Variants in INTS6L observed in about 807,000 individuals in gnomAD.
INTS6L encodes integrator complex subunit 6 like, also known as integrator complex subunit 6-like.
In INTS6L, 18 loss-of-function variants were observed where a neutral mutation model predicts 64.7. That is an observed-to-expected ratio of 0.28 (90% CI 0.19 to 0.41). The LOEUF (loss-of-function observed/expected upper bound fraction) is 0.41. Ranked by LOEUF, INTS6L falls within the 10% of genes least tolerant of loss-of-function variation. The pLI is 1.00. For missense variants in INTS6L, 533 were observed against 661.0 expected, an observed-to-expected ratio of 0.81 and a Z score of 2.12; for synonymous variants, 227 against 235.9, an observed-to-expected ratio of 0.96 and a Z score of 0.34.
At chrX:135,531,441 T>C (rs572041100) in intron 2 of INTS6L, among the ~76,000 whole-genome samples, 1 of 112,560 alleles carries the variant, frequency 8.9e-6, no homozygotes, top group African/African-American at 3.2e-5. Context: ...TGCTGTCAGC[T>C]CACAGTCAGA....
rs781795745 is a variant in INTS6L at position 135,549,729 on chromosome X, A to T, written c.830A>T (p.Asn277Ile). The T allele has an allele frequency of 2.6e-5, 31 of 1,210,710 alleles. No individual in the cohort carries two copies. The highest frequency in any genetic ancestry group is 4.6e-4 in the Middle Eastern group (2 of 4,374). ...CATAAACTCATTTATGTACGACCTA[A>T]CTCTAAAACTGGTGTTCCTGTTGGA... The part of the protein sequence containing the change: ...SCHKLIYVRP[N>I]SKTGVPVGHW... The change falls in exon 7 of 18, where the codon AAC becomes ATC. Residue 277 changes from asparagine to isoleucine, a missense_variant. Asn to Ile is a moderately radical substitution (Grantham distance 149). Coordinates refer to ENST00000639893, the MANE Select transcript of INTS6L (RefSeq NM_001351601.3).
chrX:135,546,246 C>T, intron 3 of INTS6L, 134 bp from the exon 4 acceptor site: 1 of 375,926 alleles, frequency 2.7e-6, no homozygotes. Flanking sequence ...CATTTCGTTC[C>T]CTGGTCATTT....
At chrX:135,546,103 T>C (rs1556514993) in intron 3 of INTS6L, among the ~76,000 whole-genome samples, 1 of 112,118 alleles carries the variant, frequency 8.9e-6, no homozygotes. Context: ...TGTAATATTA[T>C]TTTGTGATTA....
intron 9 of INTS6L, among the ~76,000 whole-genome samples, chrX:135,558,787 CTTTTTTTTT>C (rs1164910175): frequency 1.1e-5 from 1 of 94,671 alleles, no homozygotes; most frequent in Non-Finnish European, 2.1e-5. Context: ...TTTCTTTTTT[CTTTTTTTTT>C]TTTTTTTGAG....
intron 9 of INTS6L, among the ~76,000 whole-genome samples, chrX:135,563,633 G>GTGTGTGTGTGTA (rs1556523326): frequency 7.7e-4 from 8 of 10,401 alleles, no homozygotes; most frequent in African/African-American, 1.3e-3. Context: ...GTGTGTGTGT[G>GTGTGTGTGTGTA]TATATATATA....
At chrX:135,569,524 AAG>A (rs1556526566) in intron 10 of INTS6L, 93 bp downstream of exon 10, 3 of 485,356 alleles carry the variant, frequency 6.2e-6, no homozygotes, top group African/African-American at 2.5e-5. Flanking sequence ...CTGTTGCAAT[AAG>A]AGAGATATCT....
intron 2 of INTS6L, among the ~76,000 whole-genome samples, chrX:135,528,877 C>CCCA (rs1464500455): frequency 1.1e-5 from 1 of 87,338 alleles, no homozygotes; most frequent in African/African-American, 4.2e-5. Context: ...CCCCCCCCCC[C>CCCA]GACCCACCGC....
At chrX:135,524,783 C>A (rs782527051) in intron 2 of INTS6L, among the ~76,000 whole-genome samples, 2 of 112,022 alleles carry the variant, frequency 1.8e-5, no homozygotes, top group African/African-American at 6.5e-5. Flanking sequence ...GACTTCGGAA[C>A]GTTTTACTGC....
Position 135,572,875 on chromosome X carries a change from G to A in INTS6L, c.1459G>A (p.Gly487Arg). Residue 487 changes from glycine to arginine, a missense_variant, in exon 12 of 18, where the codon GGA becomes AGA. Physicochemically the swap from Gly to Arg is moderately radical, Grantham distance 125. Transcript: ENST00000639893. The part of the protein sequence containing the change: ...SVGKKPPQEI[G>R]IKVKNHSGGG... ...GGGGAAGAAACCTCCCCAGGAAATT[G>A]GAATTAAAGTGAAAAATCATTCTGG... 4 of 1,211,353 alleles carry A rather than the reference G, an allele frequency of 3.3e-6. No homozygotes were observed. Among genetic ancestry groups the A allele is most frequent in the Non-Finnish European group, 4.5e-6 (4 of 895,332 alleles).
intron 14 of INTS6L, among the ~76,000 whole-genome samples, chrX:135,575,950 G>A (rs1556530651): frequency 8.9e-6 from 1 of 111,829 alleles, no homozygotes; most frequent in African/African-American, 3.3e-5. Context: ...AAGACTGATT[G>A]AAAGGTATTC....
In INTS6L at chrX:135,556,357, G is replaced by A. The variant is rs1386425063; in HGVS notation, c.1192+57G>A. 7.1e-6 allele frequency: 7 copies of A among 984,757 alleles called. No homozygotes were observed. The African/African-American group carries it at 7.9e-5, about 11-fold the overall frequency. The allele number at this position is 984,757 out of a possible 1,213,427, so 81.2% of individuals were successfully genotyped here. A position where few individuals can be genotyped will look rare whatever the true frequency, so the allele number is the denominator to read the frequency against. On this transcript the variant is annotated intron_variant, in intron 9 of 17. Coordinates refer to ENST00000639893, the MANE Select transcript of INTS6L (RefSeq NM_001351601.3). ...TAAAATACAACAGAAATGAAAAATCGATAATAGACTAAGCATTTTAAATGT... is the reference window on the plus strand; with the variant it reads ...TAAAATACAACAGAAATGAAAAATCAATAATAGACTAAGCATTTTAAATGT...
chrX:135,555,823 G>A (rs782287740), intron 8 of INTS6L, among the ~76,000 whole-genome samples: 9 of 111,146 alleles, frequency 8.1e-5, no homozygotes, highest in Non-Finnish European at 1.7e-4. Context: ...AAGGATCTGG[G>A]ACCATAGGCA....
rs781862862 is a variant in INTS6L at position 135,521,257 on chromosome X, C to T, written c.128C>T (p.Pro43Leu). The T allele has an allele frequency of 1.7e-6, 2 of 1,208,447 alleles. No homozygotes were observed. Among genetic ancestry groups the T allele is most frequent in the Non-Finnish European group, 2.2e-6 (2 of 893,987 alleles). ...GCCCCGCAGCTGCGCGCCCGGGACC[C>T]GGCCAGCCGTGGAGACAGGTACATG... ...ELFLKLRARD[P>L]ASRGDRYMLV... Residue 43 changes from proline to leucine, a missense_variant, in exon 2 of 18, where the codon CCG becomes CTG. Pro to Leu is a moderately conservative substitution (Grantham distance 98). Transcript: ENST00000639893.
chrX:135,521,436 G>A, intron 2 of INTS6L, 118 bp downstream of exon 2: 1 of 751,838 alleles, frequency 1.3e-6, no homozygotes, highest in Non-Finnish European at 1.9e-6. Context: ...GGGCGGCGAG[G>A]GGGTGCGCAG....
Position 135,577,297 on chromosome X carries a change from TATGTCCCTGCTGTTGAGGAAACCACAAAC to T in INTS6L, c.1991_2019del (p.Met664ThrfsTer6). The T allele has an allele frequency of 8.3e-7, 1 of 1,210,565 alleles. No homozygotes were observed. The highest frequency in any genetic ancestry group is 1.1e-6 in the Non-Finnish European group (1 of 895,252). ...CTATGTCATCTAAGAGAAGGCGGAG[TATGTCCCTGCTGTTGAGGAAACCACAAAC>T]ACCACCTACTGTAACTAACCATGTG... On this transcript the variant is annotated frameshift_variant, in exon 15 of 18. Coordinates refer to ENST00000639893, the MANE Select transcript of INTS6L (RefSeq NM_001351601.3). LOFTEE classifies it high-confidence loss of function.
rs782251203 is a variant in INTS6L, at chrX:135,546,858, A to G, written c.586A>G (p.Ile196Val). Residue 196 changes from isoleucine to valine, a missense_variant, in exon 5 of 18, where the codon ATC becomes GTC. By Grantham distance (29) the Ile-to-Val change is conservative. Transcript: ENST00000639893. ...LGSVPTDESA[I>V]TQMCEVTGGR... ...GAGCGTACCAACTGATGAATCTGCC[A>G]TCACACAGATGTGTGAAGTCACAGG... 1.3e-4 allele frequency: 160 copies of G among 1,207,385 alleles called. No homozygotes were observed. The highest frequency in any genetic ancestry group is 1.7e-4 in the Non-Finnish European group (155 of 893,592).
intron 9 of INTS6L, among the ~76,000 whole-genome samples, chrX:135,567,340 A>G (rs1556525276): frequency 9.0e-6 from 1 of 111,687 alleles, no homozygotes; most frequent in Non-Finnish European, 1.9e-5. Context: ...TGTTTATGTG[A>G]CACCTTTACT....
intron 2 of INTS6L, among the ~76,000 whole-genome samples, chrX:135,540,700 T>G (rs1397537317): frequency 4.9e-5 from 5 of 101,511 alleles, no homozygotes; most frequent in African/African-American, 1.8e-4. Context: ...TGGCTTACTA[T>G]TCAAGCCTCC....
chrX:135,553,524 G>A (rs1342835536), intron 8 of INTS6L, among the ~76,000 whole-genome samples: 2 of 95,907 alleles, frequency 2.1e-5, no homozygotes, highest in Non-Finnish European at 4.1e-5. Context: ...GAGTCTCACC[G>A]TGTTGCCCAG....
Sources: gnomAD v4.1 joint callset for allele counts (sites outside exome capture counted in the v4.1 genomes callset) on GRCh38, gnomAD v4.1.1 for gene constraint, MANE v1.5 for transcripts, NCBI Gene and HGNC (gene_info 2026-07-23, HGNC 2026-07-21) for gene names.